Variants in DGKH observed in about 807,000 individuals in gnomAD.
DGKH encodes DAG kinase eta.
Under a neutral mutation model 159.3 loss-of-function variants are expected in DGKH, and 90 were observed. That is an observed-to-expected ratio of 0.57 (90% CI 0.48 to 0.67). DGKH has a LOEUF of 0.67. DGKH is among the 30% of genes least tolerant of loss of function. The pLI, the probability that DGKH is intolerant of heterozygous loss-of-function variation, is 0.00. For synonymous variants in DGKH, 536 were observed against 553.8 expected (o/e 0.97, Z 0.45); for missense variants, 1,181 against 1,506.1 (o/e 0.78, Z 3.57).
chr13:42,087,104 A>C (rs1468084479), intron 1 of DGKH, among the ~76,000 whole-genome samples: 1,916 of 141,474 alleles, frequency 0.014, 41 homozygotes, highest in African/African-American at 0.046. Flanking sequence ...GAGTAGGCAC[A>C]ACAATCCTTG....
chr13:42,219,805 C>T lies in DGKH; in HGVS notation c.3442+11C>T. 2 of 1,607,322 alleles carry T rather than the reference C, an allele frequency of 1.2e-6. No homozygotes were observed. The highest frequency in any genetic ancestry group is 1.7e-6 in the Non-Finnish European group (2 of 1,175,134). The stretch of plus-strand genomic sequence containing the variant: ...CAAGTTCACAGCCTGGTAGGTGGTC[C>T]ATATGGAAGGGGAAATATAACATTA... On this transcript the variant is annotated intron_variant, in intron 28 of 29. Transcript: ENST00000337343.
intron 1 of DGKH, among the ~76,000 whole-genome samples, chr13:42,094,888 C>G (rs1954492281): frequency 6.6e-6 from 1 of 151,998 alleles, no homozygotes; most frequent in Non-Finnish European, 1.5e-5. Context: ...GAAAAGAAAA[C>G]CTGTAGAAAG....
At chr13:42,081,082 A>G (rs1289305902) in intron 1 of DGKH, among the ~76,000 whole-genome samples, 2 of 152,198 alleles carry the variant, frequency 1.3e-5, no homozygotes, top group East Asian at 1.9e-4. Context: ...ACCATGCTAT[A>G]TACATATTTT....
rs1248007376 is a variant in DGKH at position 42,240,473 on chromosome 13, T to C, written c.*11285T>C. ...TGCCCTAAAGATCATCTTTCTCTTT[T>C]ATAGACATTTAGTGTATACAGTCCA... is the stretch of plus-strand genomic sequence containing the variant. On this transcript the variant is annotated 3_prime_UTR_variant, in exon 30 of 30. Coordinates refer to ENST00000337343, the MANE Select transcript of DGKH (RefSeq NM_178009.5). The C allele has an allele frequency of 6.6e-6, 1 of 152,244 alleles. No homozygotes were observed. The allele number at this position is 152,244 out of a possible 1,614,324, so 9.4% of individuals were successfully genotyped here.
Position 42,119,917 on chromosome 13 carries a change from A to AT in DGKH, c.193-7539dup, listed in dbSNP as rs539755583. Among the ~76,000 whole-genome samples, 524 of 152,222 alleles carry AT rather than the reference A, an allele frequency of 3.4e-3. 4 individuals are homozygous for AT. The highest frequency in any genetic ancestry group is 0.012 in the African/African-American group (502 of 41,528). The stretch of plus-strand genomic sequence containing the variant: ...TAATCATAAATGCTGAATCAATGTT[A>AT]TTTTTTTGAAGAATAACTCTCTTAA... On this transcript the variant is annotated intron_variant, in intron 1 of 29. Coordinates refer to ENST00000337343, the MANE Select transcript of DGKH (RefSeq NM_178009.5).
At chr13:42,102,234 A>T (rs1209232293) in intron 1 of DGKH, among the ~76,000 whole-genome samples, 1 of 152,238 alleles carries the variant, frequency 6.6e-6, no homozygotes, top group Non-Finnish European at 1.5e-5. Flanking sequence ...ACCCTGAACT[A>T]GAGAAGTTTA....
chr13:42,230,226 G>T lies in DGKH; in HGVS notation c.*1038G>T, dbSNP rs997396289. ...TGTTGATATCCAGGAATTCCCTGAG[G>T]TGTCAACTGAGATTTATATACTGAC... is the stretch of plus-strand genomic sequence containing the variant. On this transcript the variant is annotated 3_prime_UTR_variant, in exon 30 of 30. Coordinates refer to ENST00000337343, the MANE Select transcript of DGKH (RefSeq NM_178009.5). The T allele has an allele frequency of 3.3e-5, 5 of 151,898 alleles. No individual in the cohort carries two copies. Among genetic ancestry groups the T allele is most frequent in the Admixed American group, 3.3e-4 (5 of 15,262 alleles). The allele number at this position is 151,898 out of a possible 1,614,324, so 9.4% of individuals were successfully genotyped here. A position where few individuals can be genotyped will look rare whatever the true frequency, so the allele number is the denominator to read the frequency against.
chr13:42,107,932 T>C (rs1180198745), intron 1 of DGKH, among the ~76,000 whole-genome samples: 2 of 152,132 alleles, frequency 1.3e-5, no homozygotes, highest in Admixed American at 1.3e-4. Context: ...TTTTGTCCTA[T>C]TGTCTAAAAT....
At chr13:42,244,333 T>C (rs180758785), downstream of DGKH, among the ~76,000 whole-genome samples, 103 of 152,258 alleles carry the variant, frequency 6.8e-4, no homozygotes, top group African/African-American at 2.4e-3. Context: ...GCTCTCCCGA[T>C]GGTGGTTCTA....
At chr13:42,214,212 A>C (rs347420) in intron 24 of DGKH, among the ~76,000 whole-genome samples, 147,123 of 152,254 alleles carry the variant, frequency 0.97, 71,165 homozygotes, top group East Asian at 1. Context: ...AAGGATACTG[A>C]AAAATGAAGT....
chr13:42,206,783 A>T (rs1215554606), intron 21 of DGKH, among the ~76,000 whole-genome samples: 1 of 152,036 alleles, frequency 6.6e-6, no homozygotes, highest in African/African-American at 2.4e-5. Context: ...GACCACTGTG[A>T]TTACATTGGG....
chr13:42,146,413 A>G (rs1449376924), intron 3 of DGKH, among the ~76,000 whole-genome samples: 1 of 152,170 alleles, frequency 6.6e-6, no homozygotes, highest in Non-Finnish European at 1.5e-5. Flanking sequence ...ATTATCTGGA[A>G]TCAGCAGGCG....
intron 14 of DGKH, among the ~76,000 whole-genome samples, chr13:42,187,581 G>C (rs1478962561): frequency 1.3e-5 from 2 of 152,120 alleles, no homozygotes; most frequent in Non-Finnish European, 2.9e-5. Flanking sequence ...TCACCATGTT[G>C]GCCAGGCTGG....
intron 1 of DGKH, among the ~76,000 whole-genome samples, chr13:42,058,541 T>A (rs1489200558): frequency 6.6e-6 from 1 of 152,140 alleles, no homozygotes; most frequent in Non-Finnish European, 1.5e-5. Context: ...CCTGGAGAAG[T>A]TAGATAGTGT....
At chr13:42,103,848 G>A (rs993431434) in intron 1 of DGKH, among the ~76,000 whole-genome samples, 2 of 152,286 alleles carry the variant, frequency 1.3e-5, no homozygotes, top group Non-Finnish European at 2.9e-5. Context: ...AGGAGGAAAG[G>A]GGAAATGGAT....
chr13:42,147,254 C>T (rs1955760226), intron 3 of DGKH, among the ~76,000 whole-genome samples: 1 of 152,096 alleles, frequency 6.6e-6, no homozygotes, highest in Non-Finnish European at 1.5e-5. Context: ...GACTTCAGGT[C>T]CAGACATGGT....
intron 1 of DGKH, among the ~76,000 whole-genome samples, chr13:42,118,511 A>T (rs1955004999): frequency 6.6e-6 from 1 of 152,206 alleles, no homozygotes; most frequent in Non-Finnish European, 1.5e-5. Flanking sequence ...GACCATAAAT[A>T]TGTGGATGGA....
chr13:42,124,692 G>A (rs1955136024), intron 1 of DGKH, among the ~76,000 whole-genome samples: 1 of 152,138 alleles, frequency 6.6e-6, no homozygotes, highest in East Asian at 1.9e-4. Flanking sequence ...TGTATATTAA[G>A]CTGGTACCAT....
chr13:42,084,564 T>G (rs990125500), intron 1 of DGKH, among the ~76,000 whole-genome samples: 1 of 152,186 alleles, frequency 6.6e-6, no homozygotes, highest in African/African-American at 2.4e-5. Flanking sequence ...TAACCTTAGT[T>G]ATATGTATTA....
Sources: allele counts gnomAD v4.1 joint callset (sites outside exome capture counted in the v4.1 genomes callset), GRCh38; gene constraint gnomAD v4.1.1; transcripts MANE v1.5; gene names NCBI Gene and HGNC (gene_info 2026-07-23, HGNC 2026-07-21).